CARD8: variants seen among roughly 807,000 people sequenced by gnomAD.
CARD8 encodes caspase recruitment domain family member 8.
Under a neutral mutation model 53.2 loss-of-function variants are expected in CARD8, and 38 were observed. The ratio of observed to expected loss-of-function variants is 0.71; its 90% CI spans 0.55 to 0.94. The LOEUF (loss-of-function observed/expected upper bound fraction) is 0.94, where lower values mean the gene tolerates loss of function less well. Among genes scored for constraint, CARD8 ranks in the 40% least tolerant of loss-of-function variants. The pLI is 0.00. For missense variants in CARD8, 561 were observed against 655.5 expected, an observed-to-expected ratio of 0.86 and a Z score of 1.57; for synonymous variants, 245 against 244.9, an observed-to-expected ratio of 1.00 and a Z score of 0.00.
intron 1 of CARD8, among the ~76,000 whole-genome samples, chr19:48,251,011 C>T (rs946359906): frequency 2.6e-5 from 4 of 152,158 alleles, no homozygotes; most frequent in African/African-American, 7.2e-5. Context: ...AACAGTTATT[C>T]GAGACAGCAG....
At chr19:48,241,235 G>T (rs373611351) in intron 3 of CARD8, among the ~76,000 whole-genome samples, 172 bp from the exon 4 acceptor site, 2 of 152,066 alleles carry the variant, frequency 1.3e-5, no homozygotes, top group East Asian at 3.8e-4. Flanking sequence ...GCCGAAACAG[G>T]AGAGTTGTAA....
chr19:48,207,734 GTTTTTT>G (rs758903014), downstream of CARD8, among the ~76,000 whole-genome samples: 1 of 116,552 alleles, frequency 8.6e-6, no homozygotes, highest in Non-Finnish European at 1.7e-5. Flanking sequence ...TTGTTTTTCT[GTTTTTT>G]TTTTTTTTTT....
intron 12 of CARD8, among the ~76,000 whole-genome samples, chr19:48,216,579 G>A (rs548570372): frequency 8.3e-4 from 127 of 152,292 alleles, no homozygotes; most frequent in African/African-American, 3.0e-3. Context: ...CATGTGCACC[G>A]CCTCAACAAG....
intron 11 of CARD8, among the ~76,000 whole-genome samples, chr19:48,220,954 A>AAAGGAAGGAAGGAAGG (rs373278605): frequency 1.4e-4 from 14 of 101,324 alleles, no homozygotes; most frequent in East Asian, 5.5e-4. Flanking sequence ...AAAGGAAAGG[A>AAAGGAAGGAAGGAAGG]AAGGAAGGAA....
chr19:48,243,372 C>T (rs549042897), intron 3 of CARD8, among the ~76,000 whole-genome samples: 3 of 152,098 alleles, frequency 2.0e-5, no homozygotes, highest in Non-Finnish European at 4.4e-5. Context: ...TATTTTACCA[C>T]CACTGAATTT....
chr19:48,245,685 T>C (rs1453261241), intron 3 of CARD8, among the ~76,000 whole-genome samples: 4 of 151,232 alleles, frequency 2.6e-5, no homozygotes, highest in Admixed American at 2.6e-4. Context: ...TTTTAAACAT[T>C]GAAAAATAGC....
intron 6 of CARD8, chr19:48,233,097 C>T (rs1238399655): frequency 1.4e-5 from 5 of 351,928 alleles, no homozygotes; most frequent in Non-Finnish European, 2.8e-5. Context: ...CACCCAATAC[C>T]AGGTCACAGC....
At position 48,211,968 on chromosome 19, in the gene CARD8, G is replaced by A; in HGVS notation, c.1356C>T (p.Ala452=). ...GTTGCCGGTGGTTCTCCTTCACAAA[G>A]GCTGCACCTGGATGAAAGGGGGAGT... The part of the protein sequence containing the change: ...ASAPPPFSGA[A]FVKENHRQLQ... The change falls in exon 14 of 14, where the codon GCC becomes GCT. Residue 452 remains alanine, a synonymous_variant. Coordinates refer to ENST00000651546, the MANE Select transcript of CARD8 (RefSeq NM_001184900.3). 1.2e-6 allele frequency: 2 copies of A among 1,612,860 alleles called. No homozygotes were observed. The highest frequency in any genetic ancestry group is 1.7e-6 in the Non-Finnish European group (2 of 1,179,250).
chr19:48,231,909 C>G (rs1322684371), intron 7 of CARD8, 99 bp from the exon 8 acceptor site: 2 of 1,049,754 alleles, frequency 1.9e-6, no homozygotes, highest in African/African-American at 3.1e-5. Context: ...TGTTGGGATA[C>G]AGATATCGAA....
chr19:48,205,024 GTTAAT>G (rs1355955743), downstream of CARD8, among the ~76,000 whole-genome samples: 1 of 152,084 alleles, frequency 6.6e-6, no homozygotes, highest in Non-Finnish European at 1.5e-5. Context: ...TCTCATTATG[GTTAAT>G]TTAAGTGTTT....
At chr19:48,244,455 TAAAG>T (rs2045768414) in intron 3 of CARD8, among the ~76,000 whole-genome samples, 2 of 152,032 alleles carry the variant, frequency 1.3e-5, no homozygotes, top group African/African-American at 4.8e-5. Context: ...TGAGAAAACA[TAAAG>T]AAGTCAGGAA....
intron 11 of CARD8, among the ~76,000 whole-genome samples, chr19:48,219,971 A>G (rs916158126): frequency 2.0e-5 from 3 of 152,156 alleles, no homozygotes; most frequent in Non-Finnish European, 4.4e-5. Flanking sequence ...ACTCTGTCTC[A>G]AAAAAAGATT....
downstream of CARD8, among the ~76,000 whole-genome samples, chr19:48,207,734 G>GTTTTTTTTTTTTTTTTTTTTTTTT (rs758903014): frequency 4.3e-5 from 5 of 116,548 alleles, no homozygotes; most frequent in African/African-American, 1.1e-4. Context: ...TTGTTTTTCT[G>GTTTTTTTTTTTTTTTTTTTTTTTT]TTTTTTTTTT....
At chr19:48,233,467 A>G in intron 6 of CARD8, 1 of 454,880 alleles carries the variant, frequency 2.2e-6, no homozygotes, top group South Asian at 1.6e-5. Flanking sequence ...TCTGTGGGCA[A>G]GCCAAGCATG....
Position 48,211,838 on chromosome 19 carries a change from G to T in CARD8, c.1486C>A (p.Gln496Lys). 6.2e-7 allele frequency: 1 copy of T among 1,614,104 alleles called. No individual in the cohort carries two copies. The highest frequency in any genetic ancestry group is 8.5e-7 in the Non-Finnish European group (1 of 1,180,040). ...KELVEQEKTR[Q>K]SKNEALLSMV... ...CTCAGCAAGGCCTCATTCTTGCTCT[G>T]CCGTGTCTTTTCCTGCTCCACCAGC... Residue 496 changes from glutamine (Q) to lysine (K), a missense_variant, in exon 14 of 14, where the codon CAG (glutamine) becomes AAG (lysine). Gln to Lys is a moderately conservative substitution (Grantham distance 53). Transcript: ENST00000651546.
chr19:48,253,595 A>T (rs1223942964), intron 1 of CARD8, among the ~76,000 whole-genome samples: 2 of 152,218 alleles, frequency 1.3e-5, no homozygotes, highest in South Asian at 2.1e-4. Context: ...TTAAGATTCC[A>T]ATAAAAGAAT....
Position 48,232,389 on chromosome 19 carries a change from T to C in CARD8, c.391+64A>G, listed in dbSNP as rs1600432590. 1.2e-5 allele frequency: 17 copies of C among 1,430,150 alleles called. No individual in the cohort carries two copies. The East Asian group carries it at 2.5e-4, about 21-fold the overall frequency. The allele number at this position is 1,430,150 out of a possible 1,614,324, so 88.6% of individuals were successfully genotyped here. ...AAGACTCTAAATTGTCTTCTTCACA[T>C]AAAATCACAGAACATTTCCATCAAT... On this transcript the variant is annotated intron_variant, in intron 7 of 13. Transcript: ENST00000651546.
intron 10 of CARD8, among the ~76,000 whole-genome samples, chr19:48,223,443 G>C (rs1455231063): frequency 6.6e-6 from 1 of 152,130 alleles, no homozygotes; most frequent in Non-Finnish European, 1.5e-5. Flanking sequence ...ATGAAACTAT[G>C]ATGGGGGTAA....
At chr19:48,241,211 T>G (rs1703090567) in intron 3 of CARD8, 148 bp from the exon 4 acceptor site, 1 of 584,980 alleles carries the variant, frequency 1.7e-6, no homozygotes, top group African/African-American at 1.9e-5. Context: ...TAGTGGTAGG[T>G]ACTTGGGACA....
Sources: allele counts gnomAD v4.1 joint callset (sites outside exome capture counted in the v4.1 genomes callset), GRCh38; gene constraint gnomAD v4.1.1; transcripts MANE v1.5; gene names NCBI Gene and HGNC (gene_info 2026-07-23, HGNC 2026-07-21).